Variants in DDTL observed in about 807,000 individuals in gnomAD.
DDTL encodes the protein putative D-dopachrome decarboxylase-like protein.
A neutral mutation model predicts 1.1 loss-of-function variants in DDTL; 1 was observed. That is an observed-to-expected ratio of 0.91 (90% CI 0.32 to 4.31). DDTL has a LOEUF of 4.31. Among genes scored for constraint, DDTL ranks in the 30% most tolerant of loss-of-function variants. The probability of loss-of-function intolerance (pLI) is 0.17; values close to 1 mark genes in which losing one functional copy is unlikely to be tolerated. For missense variants in DDTL, 54 were observed against 48.9 expected (o/e 1.10, Z -0.31); for synonymous variants, 21 against 16.6 (o/e 1.26, Z -0.64).
intron 2 of DDTL, among the ~76,000 whole-genome samples, chr22:23,970,469 TGA>T (rs1430271010): frequency 1.3e-5 from 2 of 152,068 alleles, no homozygotes; most frequent in African/African-American, 4.8e-5. Flanking sequence ...TGTGTGTGTG[TGA>T]GTGAACTGTG....
Position 23,971,351 on chromosome 22 carries a change from T to G in DDTL, c.350T>G (p.Ile117Arg). 1 of 1,614,122 alleles carries G rather than the reference T, an allele frequency of 6.2e-7. No individual in the cohort carries two copies. The highest frequency in any genetic ancestry group is 8.5e-7 in the Non-Finnish European group (1 of 1,179,988). Residue 117 changes from isoleucine (I) to arginine (R), a missense_variant, in exon 3 of 3, where the codon ATA becomes AGA. Transcript: ENST00000215770. ...GGCCCCAGATGCCCAGGAGAGATAATAGAAGGTAAGAAGTCATGTTTGAAT... is the reference window on the plus strand; with the variant it reads ...GGCCCCAGATGCCCAGGAGAGATAAGAGAAGGTAAGAAGTCATGTTTGAAT... ...HGGPRCPGEIIEGKKSCLNEE... is the reference protein window; with the variant it reads ...HGGPRCPGEIREGKKSCLNEE...
chr22:23,969,868 A>G (rs953145957), intron 2 of DDTL: 1 of 985,848 alleles, frequency 1.0e-6, no homozygotes, highest in Non-Finnish European at 1.2e-6. Context: ...TACACGAAAT[A>G]AAGAATAAAG....
intron 2 of DDTL, chr22:23,969,796 C>A: frequency 2.0e-6 from 2 of 985,920 alleles, no homozygotes; most frequent in Non-Finnish European, 2.4e-6. Context: ...TCACTCCATG[C>A]TGGCTGCCTT....
rs578005347 is a variant in DDTL at position 23,971,606 on chromosome 22, A to C, written c.*200A>C. On this transcript the variant is annotated 3_prime_UTR_variant, in exon 3 of 3. Coordinates refer to ENST00000215770, the MANE Select transcript of DDTL (RefSeq NM_001084393.2). Reference sequence around the variant, plus strand: ...GCCAATCTGCCAGGACTCCAAGGGGAAAAAGCGGATAAGTATCCTTCAGGA... The same window carrying C: ...GCCAATCTGCCAGGACTCCAAGGGGCAAAAGCGGATAAGTATCCTTCAGGA... The C allele has an allele frequency of 6.2e-7, 1 of 1,613,738 alleles. No homozygotes were observed. Among genetic ancestry groups the C allele is most frequent in the African/African-American group, 1.3e-5 (1 of 75,022 alleles).
At position 23,971,280 on chromosome 22, in the gene DDTL, C is replaced by T. The variant is rs2033894868; in HGVS notation, c.285-6C>T. The T allele has an allele frequency of 1.2e-6, 2 of 1,609,906 alleles. No individual in the cohort carries two copies. The highest frequency in any genetic ancestry group is 1.7e-4 in the Middle Eastern group (1 of 5,836). On this transcript the variant is annotated splice_region_variant and splice_polypyrimidine_tract_variant and intron_variant, in intron 2 of 2. Transcript: ENST00000215770. Reference sequence around the variant, plus strand: ...GATCTGAGCAGTCTAAATCATCCCCCTCCAGGTTCCCTACGGTCTTATCCA... The same window carrying T: ...GATCTGAGCAGTCTAAATCATCCCCTTCCAGGTTCCCTACGGTCTTATCCA...
rs2033923009 is a variant in DDTL, at chr22:23,972,324, C to T, written c.*918C>T. The T allele has an allele frequency of 1.5e-6, 1 of 676,272 alleles. No homozygotes were observed. Among genetic ancestry groups the T allele is most frequent in the Non-Finnish European group, 1.8e-6 (1 of 550,476 alleles). The allele number at this position is 676,272 out of a possible 1,614,324, so 41.9% of individuals were successfully genotyped here. On this transcript the variant is annotated 3_prime_UTR_variant, in exon 3 of 3. Coordinates refer to ENST00000215770, the MANE Select transcript of DDTL (RefSeq NM_001084393.2). The stretch of plus-strand genomic sequence containing the variant: ...CTTGTTGTTAGAGTAACAGTTTTCC[C>T]TGAGTATCCGTGGGAGATTTGTTCT...
At chr22:23,969,947 T>A in intron 2 of DDTL, 1 of 742,390 alleles carries the variant, frequency 1.3e-6, no homozygotes, top group Non-Finnish European at 1.6e-6. Flanking sequence ...CTGAACTAAC[T>A]GTGGTGTGCA....
At position 23,971,504 on chromosome 22, in the gene DDTL, GGAA is replaced by G; in HGVS notation, c.*103_*105del. 1 of 1,611,248 alleles carries G rather than the reference GGAA, an allele frequency of 6.2e-7. No individual in the cohort carries two copies. The highest frequency in any genetic ancestry group is 1.1e-5 in the South Asian group (1 of 90,818). On this transcript the variant is annotated 3_prime_UTR_variant, in exon 3 of 3. Coordinates refer to ENST00000215770, the MANE Select transcript of DDTL (RefSeq NM_001084393.2). ...CCTCACTCTGCCAAGAGATCTCTCT[GGAA>G]GAAGCAGCCAGTTCACAGATGCCCT... is the stretch of plus-strand genomic sequence containing the variant.
intron 2 of DDTL, chr22:23,969,928 C>G (rs928606402): frequency 4.4e-6 from 4 of 899,382 alleles, no homozygotes; most frequent in African/African-American, 1.8e-5. Context: ...TCTGGGAGAG[C>G]GACCTCGGCT....
chr22:23,969,379 A>C, intron 2 of DDTL: 1 of 984,544 alleles, frequency 1.0e-6, no homozygotes, highest in Non-Finnish European at 1.2e-6. Context: ...GGGAGTCTGC[A>C]ATTAGGAGGA....
At chr22:23,969,754 G>A (rs2033865475) in intron 2 of DDTL, 1 of 985,358 alleles carries the variant, frequency 1.0e-6, no homozygotes, top group African/African-American at 1.7e-5. Flanking sequence ...AGGAGGTCGA[G>A]GCTGCAATAA....
rs187575420 is a variant in DDTL, at chr22:23,971,295, G to A, written c.294G>A (p.Thr98=). 6.7e-3 allele frequency: 10,824 copies of A among 1,613,302 alleles called. 49 individuals are homozygous for A. The highest frequency in any genetic ancestry group is 8.6e-3 in the Non-Finnish European group (10,190 of 1,179,692). ...AATCATCCCCCTCCAGGTTCCCTAC[G>A]GTCTTATCCACCAGCCCTGCTGCCC... ...ELALGQDRFP[T]VLSTSPAAHG... is the part of the protein sequence containing the mutation. Residue 98 remains threonine (T), a synonymous_variant, in exon 3 of 3, where the codon ACG becomes ACA. Transcript: ENST00000215770.
Position 23,971,366 on chromosome 22 carries a change from C to T in DDTL, c.365C>T (p.Ser122Leu), listed in dbSNP as rs750612272. ...CPGEIIEGKK[S>L]CLNEEALFIY... is the part of the protein sequence containing the mutation. ...GGAGAGATAATAGAAGGTAAGAAGTCATGTTTGAATGAGGAAGCTCTCTTC... is the reference window on the plus strand; with the variant it reads ...GGAGAGATAATAGAAGGTAAGAAGTTATGTTTGAATGAGGAAGCTCTCTTC... The change falls in exon 3 of 3, where the codon TCA (serine) becomes TTA (leucine). Residue 122 changes from serine (S) to leucine (L), a missense_variant. Physicochemically the swap from Ser to Leu is moderately radical, Grantham distance 145. Coordinates refer to ENST00000215770, the MANE Select transcript of DDTL (RefSeq NM_001084393.2). The T allele has an allele frequency of 1.2e-6, 2 of 1,613,950 alleles. No individual in the cohort carries two copies. Among genetic ancestry groups the T allele is most frequent in the South Asian group, 1.1e-5 (1 of 91,084 alleles).
chr22:23,971,833 G>A lies in DDTL; in HGVS notation c.*427G>A. ...GGTGTGGGAGGTAGCCGCACATCAT[G>A]ACCCAGCTAGGACAGACACACAATA... On this transcript the variant is annotated 3_prime_UTR_variant, in exon 3 of 3. Transcript: ENST00000215770. The A allele has an allele frequency of 1.7e-6, 1 of 586,562 alleles. No individual in the cohort carries two copies. The highest frequency in any genetic ancestry group is 2.1e-5 in the South Asian group (1 of 48,344). 36.3% of individuals were successfully genotyped at this position (586,562 alleles called of 1,614,324 possible).
At chr22:23,969,995 C>G in intron 2 of DDTL, 4 of 369,442 alleles carry the variant, frequency 1.1e-5, no homozygotes, top group African/African-American at 2.2e-5. Flanking sequence ...CTCATGTCAC[C>G]TGGCAGGAGG....
intron 2 of DDTL, chr22:23,969,560 G>A (rs532671423): frequency 4.1e-5 from 40 of 978,326 alleles, no homozygotes; most frequent in South Asian, 2.4e-4. Context: ...GCTCATTACC[G>A]GGATGAGCAC....
Position 23,971,341 on chromosome 22 carries a change from G to C in DDTL, c.340G>C (p.Gly114Arg), listed in dbSNP as rs776582918. Residue 114 changes from glycine (G) to arginine (R), a missense_variant, in exon 3 of 3, where the codon GGA becomes CGA. Physicochemically the swap from Gly to Arg is moderately radical, Grantham distance 125. Coordinates refer to ENST00000215770, the MANE Select transcript of DDTL (RefSeq NM_001084393.2). ...TGCCCATGGTGGCCCCAGATGCCCA[G>C]GAGAGATAATAGAAGGTAAGAAGTC... is the stretch of plus-strand genomic sequence containing the variant. ...PAAHGGPRCP[G>R]EIIEGKKSCL... 6.2e-7 allele frequency: 1 copy of C among 1,614,160 alleles called. No individual in the cohort carries two copies. Among genetic ancestry groups the C allele is most frequent in the South Asian group, 1.1e-5 (1 of 91,082 alleles).
chr22:23,969,244 C>G (rs1267092226), intron 2 of DDTL: 11 of 985,520 alleles, frequency 1.1e-5, no homozygotes, highest in Non-Finnish European at 1.2e-5. Flanking sequence ...CTGTGGCGCT[C>G]CTCACTGAAA....
At chr22:23,969,716 G>A in intron 2 of DDTL, 8 of 979,166 alleles carry the variant, frequency 8.2e-6, no homozygotes, top group Non-Finnish European at 9.7e-6. Context: ...CTACATGGGA[G>A]GCTGAGGCAG....
Sources: allele counts gnomAD v4.1 joint callset (sites outside exome capture counted in the v4.1 genomes callset), GRCh38; gene constraint gnomAD v4.1.1; transcripts MANE v1.5; gene names NCBI Gene and HGNC (gene_info 2026-07-23, HGNC 2026-07-21).